ANKS1B: variants seen among roughly 807,000 people sequenced by gnomAD.
ANKS1B encodes ankyrin repeat and sterile alpha motif domain-containing protein 1B.
Under a neutral mutation model 148.3 loss-of-function variants are expected in ANKS1B, and 36 were observed. The observed-to-expected ratio is 0.24, with a 90% CI of 0.19 to 0.32. The LOEUF (loss-of-function observed/expected upper bound fraction) is 0.32, where lower values mean the gene tolerates loss of function less well. Ranked by LOEUF, ANKS1B falls within the 10% of genes least tolerant of loss-of-function variation. The pLI, the probability that ANKS1B is intolerant of heterozygous loss-of-function variation, is 1.00. For missense variants in ANKS1B, 1,157 were observed against 1,542.6 expected, an observed-to-expected ratio of 0.75 and a Z score of 4.19; for synonymous variants, 542 against 560.8, an observed-to-expected ratio of 0.97 and a Z score of 0.47.
chr12:98,774,842 T>G (rs1377155010), intron 24 of ANKS1B, among the ~76,000 whole-genome samples: 1 of 152,228 alleles, frequency 6.6e-6, no homozygotes, highest in East Asian at 1.9e-4. Context: ...CGTGGCCTTT[T>G]GTGTTGACAT....
chr12:99,713,614 G>C (rs574441879), intron 8 of ANKS1B, among the ~76,000 whole-genome samples: 1 of 152,166 alleles, frequency 6.6e-6, no homozygotes, highest in South Asian at 2.1e-4. Context: ...AAATAACAAA[G>C]AACCCTTAAT....
rs117593135 is a variant in ANKS1B at position 98,981,761 on chromosome 12, C to T, written c.2778+71396G>A. Reference sequence around the variant, plus strand: ...ATAATTCTTACAGAAACCATGAGACCTTAAATGATTAATCATAATTATCAA... The same window carrying T: ...ATAATTCTTACAGAAACCATGAGACTTTAAATGATTAATCATAATTATCAA... On this transcript the variant is annotated intron_variant, in intron 17 of 26. Transcript: ENST00000683438. Among the ~76,000 whole-genome samples the T allele has an allele frequency of 9.6e-3, 1,469 of 152,294 alleles. 12 individuals carry two copies. Among genetic ancestry groups the T allele is most frequent in the Non-Finnish European group, 0.014 (945 of 68,016 alleles).
intron 17 of ANKS1B, among the ~76,000 whole-genome samples, chr12:98,865,410 G>A (rs1486053821): frequency 6.6e-6 from 1 of 152,100 alleles, no homozygotes; most frequent in Non-Finnish European, 1.5e-5. Context: ...CACCCATCCA[G>A]TTATTTAACA....
chr12:99,167,107 C>G lies in ANKS1B; in HGVS notation c.2420-12712G>C, dbSNP rs182798024. Among the ~76,000 whole-genome samples, 214 of 152,060 alleles carry G rather than the reference C, an allele frequency of 1.4e-3. 2 individuals carry two copies. The highest frequency in any genetic ancestry group is 5.0e-3 in the African/African-American group (208 of 41,536). ...ATCTTTCATCATATATAAAAATTAT[C>G]TCAAACTGTATCATAGGCCTACCCA... On this transcript the variant is annotated intron_variant, in intron 14 of 26. Transcript: ENST00000683438.
chr12:99,894,327 G>A (rs1445352166), intron 1 of ANKS1B, among the ~76,000 whole-genome samples: 23 of 86,248 alleles, frequency 2.7e-4, no homozygotes, highest in Non-Finnish European at 5.9e-4. Flanking sequence ...GAGGGAGGGA[G>A]GGAAAGAAAA....
intron 17 of ANKS1B, among the ~76,000 whole-genome samples, chr12:99,042,605 T>C (rs771227082): frequency 2.6e-5 from 4 of 152,254 alleles, no homozygotes; most frequent in Non-Finnish European, 5.9e-5. Context: ...TAACTGATAA[T>C]GCTTCCCATA....
chr12:98,739,774 T>C (rs910484513), downstream of ANKS1B, among the ~76,000 whole-genome samples: 7 of 152,186 alleles, frequency 4.6e-5, no homozygotes, highest in African/African-American at 1.7e-4. Flanking sequence ...GTCAAGAATC[T>C]GATATAGATC....
At chr12:99,321,252 C>T (rs558893607) in intron 12 of ANKS1B, among the ~76,000 whole-genome samples, 1 of 152,212 alleles carries the variant, frequency 6.6e-6, no homozygotes, top group Non-Finnish European at 1.5e-5. Flanking sequence ...GGAGGTTTAA[C>T]TCTGCAGAAG....
intron 10 of ANKS1B, among the ~76,000 whole-genome samples, chr12:99,500,275 C>T (rs1030631112): frequency 5.3e-5 from 8 of 152,066 alleles, no homozygotes; most frequent in East Asian, 3.9e-4. Flanking sequence ...AGAACAAGGA[C>T]GTAATACAAA....
rs181129947 is a variant in ANKS1B at position 99,216,856 on chromosome 12, G to A, written c.2419+27486C>T. Among the ~76,000 whole-genome samples the A allele has an allele frequency of 1.5e-3, 225 of 152,320 alleles. 1 individual carries two copies. Among genetic ancestry groups the A allele is most frequent in the Non-Finnish European group, 2.5e-3 (168 of 68,032 alleles). The stretch of plus-strand genomic sequence containing the variant: ...GCTTCCTTTGCAGCTTGGCGTGGCC[G>A]TGTGACTAAGTTCTGATCAATGGTA... On this transcript the variant is annotated intron_variant, in intron 14 of 26. Coordinates refer to ENST00000683438, the MANE Select transcript of ANKS1B (RefSeq NM_001352186.2).
intron 17 of ANKS1B, among the ~76,000 whole-genome samples, chr12:98,899,198 C>T (rs2099768823): frequency 6.6e-6 from 1 of 152,160 alleles, no homozygotes; most frequent in Admixed American, 6.5e-5. Flanking sequence ...GGGTATTTAA[C>T]TTAATTGTTT....
At chr12:99,238,108 G>A (rs2088394551) in intron 14 of ANKS1B, among the ~76,000 whole-genome samples, 1 of 152,254 alleles carries the variant, frequency 6.6e-6, no homozygotes. Flanking sequence ...GCCTCACCCA[G>A]GAAGTGCAAG....
chr12:98,949,892 G>A (rs2153069263), intron 17 of ANKS1B: 1 of 152,274 alleles, frequency 6.6e-6, no homozygotes, highest in East Asian at 1.9e-4. Context: ...AGGAAACCCA[G>A]TATGCAACAA....
At chr12:99,841,116 C>T (rs1308585812) in intron 1 of ANKS1B, among the ~76,000 whole-genome samples, 1 of 152,062 alleles carries the variant, frequency 6.6e-6, no homozygotes. Flanking sequence ...GTTCTCTCAT[C>T]TATAAAATGA....
intron 11 of ANKS1B, among the ~76,000 whole-genome samples, chr12:99,436,968 T>C (rs11109842): frequency 0.21 from 31,720 of 152,040 alleles, 3,744 homozygotes; most frequent in African/African-American, 0.29. Context: ...TATTTCATTC[T>C]ATTGAATTCC....
At chr12:99,528,507 G>T (rs1029500350) in intron 9 of ANKS1B, among the ~76,000 whole-genome samples, 1 of 147,958 alleles carries the variant, frequency 6.8e-6, no homozygotes, top group Non-Finnish European at 1.5e-5. Flanking sequence ...TATTTGCAAA[G>T]TATGCATCTG....
chr12:99,727,887 G>A (rs894920006), intron 8 of ANKS1B, among the ~76,000 whole-genome samples: 6 of 152,062 alleles, frequency 3.9e-5, no homozygotes, highest in African/African-American at 1.4e-4. Context: ...CAAACAATAG[G>A]AAAAGAATTT....
intron 14 of ANKS1B, among the ~76,000 whole-genome samples, chr12:99,238,191 G>T (rs1175828805): frequency 6.6e-6 from 1 of 152,226 alleles, no homozygotes; most frequent in African/African-American, 2.4e-5. Flanking sequence ...GTACACTCCT[G>T]ATCAAATACT....
At position 99,203,048 on chromosome 12, in the gene ANKS1B, A is replaced by T. The variant is rs192225010; in HGVS notation, c.2419+41294T>A. 3.3e-5 allele frequency among the ~76,000 whole-genome samples: 5 copies of T among 152,342 alleles called. No individual in the cohort carries two copies. The East Asian group carries it at 9.6e-4, about 29-fold the overall frequency. ...CTTTCTATTGGTGAAAGCAAGTGAA[A>T]GAGCCAGCCTAGATTCAAGGTGAGG... is the stretch of plus-strand genomic sequence containing the variant. On this transcript the variant is annotated intron_variant, in intron 14 of 26. Transcript: ENST00000683438.
Sources: gnomAD v4.1 joint callset for allele counts (sites outside exome capture counted in the v4.1 genomes callset) on GRCh38, gnomAD v4.1.1 for gene constraint, MANE v1.5 for transcripts, NCBI Gene and HGNC (gene_info 2026-07-23, HGNC 2026-07-21) for gene names.